ATXN7: variants seen among roughly 807,000 people sequenced by gnomAD.
ATXN7 encodes ataxin-7.
ATXN7 carries 12 observed loss-of-function variants against 70.5 expected under a neutral mutation model. That is an observed-to-expected ratio of 0.17 (90% confidence interval 0.11 to 0.28). The LOEUF is 0.28. Ranked by LOEUF, ATXN7 falls within the 10% of genes least tolerant of loss-of-function variation. The pLI is 1.00. For synonymous variants in ATXN7, 498 were observed against 448.7 expected, an observed-to-expected ratio of 1.11 and a Z score of -1.39; for missense variants, 1,256 against 1,131.7, an observed-to-expected ratio of 1.11 and a Z score of -1.58.
At chr3:63,865,894 CA>C (rs34205947) in intron 1 of ATXN7, among the ~76,000 whole-genome samples, 337 of 16,496 alleles carry the variant, frequency 0.02, no homozygotes, top group African/African-American at 0.047. Flanking sequence ...GACTCCATCT[CA>C]AAAAAAAAAA....
chr3:63,994,229 TTTTG>T (rs1358025998), intron 11 of ATXN7, among the ~76,000 whole-genome samples: 1 of 152,092 alleles, frequency 6.6e-6, no homozygotes, highest in Non-Finnish European at 1.5e-5. Context: ...TTTTGGGTTT[TTTTG>T]TTTGTTTTGT....
intron 5 of ATXN7, among the ~76,000 whole-genome samples, chr3:63,966,916 A>G (rs2075233631): frequency 6.6e-6 from 1 of 152,180 alleles, no homozygotes. Context: ...TAAAACTCAG[A>G]TCACTTGGCA....
At chr3:63,863,703 G>A, upstream of ATXN7, 1 of 1,245,622 alleles carries the variant, frequency 8.0e-7, no homozygotes, top group Middle Eastern at 3.1e-4. Flanking sequence ...CGGGCCGGGA[G>A]GCCAGGGGTC....
chr3:63,901,083 A>G (rs756907001), intron 2 of ATXN7: 5 of 152,246 alleles, frequency 3.3e-5, no homozygotes, highest in Non-Finnish European at 7.3e-5. Context: ...GTAAATCGAA[A>G]GGACAAATAT....
At chr3:63,989,671 G>A (rs1034230323) in intron 9 of ATXN7, among the ~76,000 whole-genome samples, 4 of 151,956 alleles carry the variant, frequency 2.6e-5, no homozygotes, top group African/African-American at 4.8e-5. Flanking sequence ...GGGAGGATGC[G>A]CATAGGTTAT....
chr3:63,907,456 C>CTTTTTTTT (rs946462374), intron 2 of ATXN7, among the ~76,000 whole-genome samples: 10 of 116,632 alleles, frequency 8.6e-5, no homozygotes, highest in Non-Finnish European at 1.4e-4. Flanking sequence ...CATTCCTTGT[C>CTTTTTTTT]TTTTTTTTTT....
intron 1 of ATXN7, among the ~76,000 whole-genome samples, chr3:63,876,424 C>A (rs1702751242): frequency 6.6e-6 from 1 of 152,010 alleles, no homozygotes; most frequent in East Asian, 1.9e-4. Context: ...AGAAAAGAGA[C>A]CATTTGTCAT....
At chr3:63,997,620 G>T (rs1276025514) in intron 12 of ATXN7, 1 of 1,551,220 alleles carries the variant, frequency 6.4e-7, no homozygotes, top group South Asian at 1.2e-5. Flanking sequence ...TTATTCATCA[G>T]GATATCTCCT....
At chr3:63,920,045 C>T (rs2107316306) in intron 4 of ATXN7, among the ~76,000 whole-genome samples, 1 of 152,128 alleles carries the variant, frequency 6.6e-6, no homozygotes. Flanking sequence ...AGGAAGAATT[C>T]ACGGGGAAAC....
chr3:63,944,542 T>C (rs565542302), intron 4 of ATXN7, among the ~76,000 whole-genome samples: 1 of 152,296 alleles, frequency 6.6e-6, no homozygotes, highest in South Asian at 2.1e-4. Context: ...GTGCGAGATT[T>C]CATCCTGCTG....
chr3:63,980,797 G>A (rs1340506531), intron 6 of ATXN7: 1 of 152,856 alleles, frequency 6.5e-6, no homozygotes, highest in Non-Finnish European at 1.5e-5. Context: ...AGATGCTGCT[G>A]TAGAATTTTT....
intron 8 of ATXN7, among the ~76,000 whole-genome samples, chr3:63,986,209 A>G (rs1013544324): frequency 3.9e-5 from 6 of 152,186 alleles, no homozygotes; most frequent in Non-Finnish European, 5.9e-5. Flanking sequence ...AGAAAGAGGG[A>G]AGAAGAGGTA....
intron 1 of ATXN7, among the ~76,000 whole-genome samples, chr3:63,891,295 G>A (rs940747128): frequency 1.4e-5 from 2 of 146,504 alleles, no homozygotes; most frequent in African/African-American, 5.1e-5. Flanking sequence ...AGGCGTGAGC[G>A]ACGAGCGACT....
intron 2 of ATXN7, chr3:63,911,381 T>C (rs1704008213): frequency 2.0e-5 from 3 of 152,126 alleles, no homozygotes; most frequent in Admixed American, 2.0e-4. Context: ...AATGCTTAAT[T>C]TAGTGAACAA....
At chr3:63,941,311 G>T (rs537751599) in intron 4 of ATXN7, among the ~76,000 whole-genome samples, 2 of 152,120 alleles carry the variant, frequency 1.3e-5, no homozygotes, top group African/African-American at 4.8e-5. Flanking sequence ...GCTATGGGGT[G>T]GGGGGTTTGG....
At chr3:63,907,343 G>A (rs1441404048) in intron 2 of ATXN7, among the ~76,000 whole-genome samples, 1 of 151,728 alleles carries the variant, frequency 6.6e-6, no homozygotes, top group African/African-American at 2.4e-5. Context: ...GGGAAATTAC[G>A]TTTAACAATG....
chr3:63,893,843 G>A (rs941455279), intron 1 of ATXN7, among the ~76,000 whole-genome samples: 34 of 151,986 alleles, frequency 2.2e-4, no homozygotes, highest in African/African-American at 7.2e-4. Flanking sequence ...GAAAAAAGAG[G>A]TTGTGTATAG....
In ATXN7 at chr3:63,982,944, G is replaced by C. The variant is rs2075514462; in HGVS notation, c.1018G>C (p.Glu340Gln). ...KFLNKRLSEREFDPDIHCGVI... is the reference protein window; with the variant it reads ...KFLNKRLSERQFDPDIHCGVI... ...TGCCTGTGTTCTTTTGACAGAAAGA[G>C]AGTTTGATCCTGACATCCACTGTGG... The change falls in exon 8 of 13, where the codon GAG becomes CAG. Residue 340 changes from glutamate (E) to glutamine (Q), a missense_variant. Physicochemically the swap from Glu to Gln is conservative, Grantham distance 29. Coordinates refer to ENST00000674280, the MANE Select transcript of ATXN7 (RefSeq NM_001377405.1). The C allele has an allele frequency of 6.2e-6, 10 of 1,613,774 alleles. No homozygotes were observed. Among genetic ancestry groups the C allele is most frequent in the Non-Finnish European group, 7.6e-6 (9 of 1,179,826 alleles).
chr3:63,915,462 C>T (rs1704225512), intron 4 of ATXN7, among the ~76,000 whole-genome samples: 1 of 152,180 alleles, frequency 6.6e-6, no homozygotes, highest in African/African-American at 2.4e-5. Flanking sequence ...CCTTTATGTT[C>T]TCCTAACAGA....
Sources: gnomAD v4.1 joint callset for allele counts (sites outside exome capture counted in the v4.1 genomes callset) on GRCh38, gnomAD v4.1.1 for gene constraint, MANE v1.5 for transcripts, NCBI Gene and HGNC (gene_info 2026-07-23, HGNC 2026-07-21) for gene names.